Variants in NUP205 observed in about 807,000 individuals in gnomAD.
NUP205 encodes nucleoporin 205.
Under a neutral mutation model 253.8 loss-of-function variants are expected in NUP205, and 76 were observed. That is an observed-to-expected ratio of 0.30 (90% confidence interval 0.25 to 0.36). The LOEUF (loss-of-function observed/expected upper bound fraction) is 0.36. NUP205 is among the 10% of genes least tolerant of loss of function. The probability of loss-of-function intolerance (pLI) is 1.00; values close to 1 mark genes in which losing one functional copy is unlikely to be tolerated. For synonymous variants in NUP205, 832 were observed against 850.1 expected (o/e 0.98, Z 0.37); for missense variants, 2,162 against 2,425.5 (o/e 0.89, Z 2.28).
rs979247566 is a variant in NUP205 at position 135,618,397 on chromosome 7, T to C, written c.3772-15T>C. The C allele has an allele frequency of 3.1e-6, 5 of 1,611,694 alleles. No individual in the cohort carries two copies. The African/African-American group carries it at 6.7e-5, about 22-fold the overall frequency. ...TTGCCTGTTTAACCTTGTGATTCAA[T>C]TCCTGTGGCTTTAGGAAATCAGCAC... On this transcript the variant is annotated splice_polypyrimidine_tract_variant and intron_variant, in intron 27 of 42. Transcript: ENST00000285968.
chr7:135,609,762 G>A lies in NUP205; in HGVS notation c.3195+2391G>A, dbSNP rs150804348. Among the ~76,000 whole-genome samples, 88 of 151,948 alleles carry A rather than the reference G, an allele frequency of 5.8e-4. 1 individual carries two copies. In the East Asian group the frequency reaches 0.014, roughly 24 times the overall value. ...TTCTTTACTATCTTTTCTGTCCTCC[G>A]GCTGTCCAAACATCCCTTCACTGTA... On this transcript the variant is annotated intron_variant, in intron 22 of 42. Coordinates refer to ENST00000285968, the MANE Select transcript of NUP205 (RefSeq NM_015135.3).
At position 135,604,426 on chromosome 7, in the gene NUP205, A is replaced by T; in HGVS notation, c.2789A>T (p.Gln930Leu). The change falls in exon 19 of 43, where the codon CAG (glutamine) becomes CTG (leucine). Residue 930 changes from glutamine to leucine, a missense_variant. Gln to Leu is a moderately radical substitution (Grantham distance 113). This residue lies in a region of NUP205 where 892 missense variants were observed against 957.1 expected (regional missense o/e 0.93). Coordinates refer to ENST00000285968, the MANE Select transcript of NUP205 (RefSeq NM_015135.3). ...TGTATCTCTTGCAACTCTAATATTC[A>T]GATAAAGTTGGTTGGAGATTTCACA... is the stretch of plus-strand genomic sequence containing the variant. ...LCCISCNSNI[Q>L]IKLVGDFTHD... The T allele has an allele frequency of 6.2e-7, 1 of 1,609,194 alleles. No individual in the cohort carries two copies. Among genetic ancestry groups the T allele is most frequent in the Non-Finnish European group, 8.5e-7 (1 of 1,178,608 alleles).
chr7:135,583,466 A>T (rs1269145345), intron 7 of NUP205, among the ~76,000 whole-genome samples: 2 of 152,124 alleles, frequency 1.3e-5, no homozygotes, highest in African/African-American at 4.8e-5. Flanking sequence ...TTAGTTTTAA[A>T]GATGTGATAA....
chr7:135,571,316 CT>C, intron 2 of NUP205, 69 bp downstream of exon 2: 1 of 1,053,728 alleles, frequency 9.5e-7, no homozygotes, highest in South Asian at 3.1e-5. Flanking sequence ...GAAGTAAACT[CT>C]TTTCTTTTTT....
At chr7:135,639,079 C>G (rs777572167) in intron 38 of NUP205, among the ~76,000 whole-genome samples, 2 of 152,058 alleles carry the variant, frequency 1.3e-5, no homozygotes, top group Admixed American at 6.6e-5. Context: ...TATAACATAA[C>G]GAAATACAAT....
In NUP205 at chr7:135,578,863, A is replaced by T. The variant is rs753478118; in HGVS notation, c.990A>T (p.Arg330Ser). ...WKLPGLQATV[R>S]LAWALALRGI... ...TGCCTGGGCTCCAAGCCACTGTTAG[A>T]CTTGCCTGGGCGCTGGCATTGAGGG... Residue 330 changes from arginine to serine, a missense_variant, in exon 7 of 43, where the codon AGA becomes AGT. Transcript: ENST00000285968. The T allele has an allele frequency of 6.2e-7, 1 of 1,611,688 alleles. No homozygotes were observed. The highest frequency in any genetic ancestry group is 8.5e-7 in the Non-Finnish European group (1 of 1,179,350).
In NUP205 at chr7:135,598,654, A is replaced by G. The variant is rs377741649; in HGVS notation, c.2274+447A>G. On this transcript the variant is annotated intron_variant, in intron 15 of 42. Transcript: ENST00000285968. ...TTGTAATCCATTAGGCATGTCTGCC[A>G]TGGATGGAGGCTGAGAGAGCACTGA... is the stretch of plus-strand genomic sequence containing the variant. The G allele has an allele frequency of 1.1e-4, 19 of 168,970 alleles. No homozygotes were observed. In the South Asian group the frequency reaches 2.2e-3, roughly 19 times the overall value. 10.5% of individuals were successfully genotyped at this position (168,970 alleles called of 1,614,324 possible).
chr7:135,604,054 A>AG (rs1182719973), intron 18 of NUP205, among the ~76,000 whole-genome samples: 2 of 152,120 alleles, frequency 1.3e-5, no homozygotes, highest in Non-Finnish European at 2.9e-5. Context: ...ATATTTTATT[A>AG]GGGCCTCCTT....
chr7:135,560,312 G>A (rs1805549226), intron 1 of NUP205, among the ~76,000 whole-genome samples: 1 of 152,100 alleles, frequency 6.6e-6, no homozygotes, highest in Admixed American at 6.6e-5. Context: ...CATTCCTTTA[G>A]TACATACTCG....
chr7:135,570,628 T>C (rs1322219293), intron 1 of NUP205, among the ~76,000 whole-genome samples: 1 of 139,110 alleles, frequency 7.2e-6, no homozygotes. Context: ...GTTACAACAT[T>C]GATATTTATA....
rs200439718 is a variant in NUP205 at position 135,648,417 on chromosome 7, C to G, written c.5900C>G (p.Ala1967Gly). The G allele has an allele frequency of 3.2e-6, 5 of 1,586,898 alleles. No individual in the cohort carries two copies. Among genetic ancestry groups the G allele is most frequent in the African/African-American group, 1.4e-5 (1 of 72,956 alleles). The change falls in exon 43 of 43, where the codon GCA becomes GGA. Residue 1967 changes from alanine to glycine, a missense_variant. Around this residue, in one of 5 missense-constraint regions of NUP205, gnomAD observed 1,144 missense variants for 1,280.9 expected, o/e 0.89. Transcript: ENST00000285968. ...TGTCACCGCTAGCTTCAGGCTGATG[C>G]AATCAACGCTTTTGGAGAATCACTA... ...QHDLDQLQADAINAFGESLQK... is the reference protein window; with the variant it reads ...QHDLDQLQADGINAFGESLQK...
chr7:135,567,499 A>G (rs1365931289), intron 1 of NUP205, among the ~76,000 whole-genome samples: 1 of 150,380 alleles, frequency 6.6e-6, no homozygotes, highest in South Asian at 2.1e-4. Context: ...AGTCCCAGCT[A>G]TTCAGGAGGC....
intron 16 of NUP205, 34 bp downstream of exon 16, chr7:135,601,003 C>T (rs545989946): frequency 1.7e-6 from 2 of 1,149,300 alleles, no homozygotes; most frequent in African/African-American, 1.5e-5. Flanking sequence ...AACAAGTTGT[C>T]AACTATTTAT....
intron 12 of NUP205, 98 bp downstream of exon 12, chr7:135,593,290 T>C: frequency 9.1e-7 from 1 of 1,098,676 alleles, no homozygotes; most frequent in Non-Finnish European, 1.3e-6. Flanking sequence ...GTAATAAACT[T>C]AGCCTATCTA....
intron 33 of NUP205, 98 bp downstream of exon 33, chr7:135,626,459 T>G: frequency 7.4e-7 from 1 of 1,347,014 alleles, no homozygotes; most frequent in Non-Finnish European, 1.0e-6. Context: ...AGCAATTCTC[T>G]TTCATCTTGG....
chr7:135,640,530 T>C lies in NUP205; in HGVS notation c.5392+1847T>C, dbSNP rs924826806. ...GTTTCCTTCCACTCCGGCCCAGGCA[T>C]CTACTATTCTGATTTTTGTCACAAA... On this transcript the variant is annotated intron_variant, in intron 38 of 42. Coordinates refer to ENST00000285968, the MANE Select transcript of NUP205 (RefSeq NM_015135.3). Among the ~76,000 whole-genome samples, 3 of 152,348 alleles carry C rather than the reference T, an allele frequency of 2.0e-5. No individual in the cohort carries two copies. In the South Asian group the frequency reaches 6.2e-4, roughly 32 times the overall value.
intron 1 of NUP205, among the ~76,000 whole-genome samples, chr7:135,559,869 T>G (rs1438906590): frequency 6.6e-6 from 1 of 150,982 alleles, no homozygotes; most frequent in Non-Finnish European, 1.5e-5. Context: ...CCTGGCTAAT[T>G]TTTTTTTGAG....
intron 18 of NUP205, among the ~76,000 whole-genome samples, 168 bp downstream of exon 18, chr7:135,603,162 C>A (rs1794001475): frequency 8.0e-6 from 1 of 124,682 alleles, no homozygotes; most frequent in Non-Finnish European, 1.6e-5. Flanking sequence ...GTCGTCCAGG[C>A]TAGAGTGCAG....
rs1794834773 is a variant in NUP205, at chr7:135,637,705, C to T, written c.5137-226C>T. On this transcript the variant is annotated intron_variant, in intron 36 of 42. Coordinates refer to ENST00000285968, the MANE Select transcript of NUP205 (RefSeq NM_015135.3). ...ATTTAGATGATACTGGGATTTATTG[C>T]TTTAAAAAAAAAGGGTACTCTTTTC... 2.0e-5 allele frequency among the ~76,000 whole-genome samples: 3 copies of T among 151,458 alleles called. 1 individual carries two copies. The highest frequency in any genetic ancestry group is 2.0e-4 in the Admixed American group (3 of 15,250).
Sources: allele counts gnomAD v4.1 joint callset (sites outside exome capture counted in the v4.1 genomes callset), GRCh38; gene constraint gnomAD v4.1.1; regional missense constraint gnomAD v4.1.1; transcripts MANE v1.5; gene names NCBI Gene and HGNC (gene_info 2026-07-23, HGNC 2026-07-21).